FHIT: variants seen among roughly 807,000 people sequenced by gnomAD.
FHIT encodes bis(5'-adenosyl)-triphosphatase.
In FHIT, 19 loss-of-function variants were observed where a neutral mutation model predicts 17.9. The observed-to-expected ratio is 1.06, with a 90% CI of 0.74 to 1.56. The LOEUF (loss-of-function observed/expected upper bound fraction) is 1.56. Ranked by LOEUF, FHIT falls within the 40% of genes most tolerant of loss-of-function variation. The pLI is 0.00. For synonymous variants in FHIT, 81 were observed against 69.7 expected (o/e 1.16, Z -0.81); for missense variants, 248 against 189.2 (o/e 1.31, Z -1.82).
intron 5 of FHIT, among the ~76,000 whole-genome samples, chr3:60,360,240 T>G (rs2106993924): frequency 6.7e-6 from 1 of 150,114 alleles, no homozygotes; most frequent in South Asian, 2.1e-4. Context: ...GCAAGAAAAT[T>G]TTTTTTTTTG....
intron 5 of FHIT, among the ~76,000 whole-genome samples, chr3:60,364,096 T>C (rs180985564): frequency 4.7e-4 from 72 of 152,328 alleles, no homozygotes; most frequent in Middle Eastern, 6.8e-3. Flanking sequence ...CCATTGTAAA[T>C]ATACTCTTTA....
chr3:59,844,246 G>A (rs1701635266), intron 8 of FHIT, among the ~76,000 whole-genome samples: 1 of 152,110 alleles, frequency 6.6e-6, no homozygotes, highest in Non-Finnish European at 1.5e-5. Context: ...TCTGCAAACA[G>A]ATATAATTTA....
chr3:59,985,915 G>A (rs932357439), intron 7 of FHIT, among the ~76,000 whole-genome samples: 39 of 151,790 alleles, frequency 2.6e-4, no homozygotes, highest in Non-Finnish European at 1.5e-5. Flanking sequence ...ATAGAGCCTG[G>A]TCCCCTCAGT....
At chr3:60,930,972 C>T (rs188038606) in intron 3 of FHIT, among the ~76,000 whole-genome samples, 26 of 152,262 alleles carry the variant, frequency 1.7e-4, no homozygotes, top group Non-Finnish European at 2.9e-5. Context: ...CCCAAATGTC[C>T]AACAATGATA....
At chr3:60,419,793 A>G (rs1298775659) in intron 5 of FHIT, among the ~76,000 whole-genome samples, 1 of 152,208 alleles carries the variant, frequency 6.6e-6, no homozygotes, top group Non-Finnish European at 1.5e-5. Flanking sequence ...AATCTTTAAA[A>G]AGGTATCAAT....
chr3:60,267,088 TGAAGG>T (rs1186318438), intron 5 of FHIT, among the ~76,000 whole-genome samples: 1 of 151,758 alleles, frequency 6.6e-6, no homozygotes, highest in African/African-American at 2.4e-5. Flanking sequence ...GCAATAGAAG[TGAAGG>T]GAAGACTAGT....
chr3:60,133,565 T>G (rs1408874520), intron 5 of FHIT, among the ~76,000 whole-genome samples: 1 of 152,020 alleles, frequency 6.6e-6, no homozygotes, highest in Non-Finnish European at 1.5e-5. Context: ...GTGGTTCAAT[T>G]CTTTATCTCT....
chr3:60,599,623 C>A (rs2038378289), intron 4 of FHIT, among the ~76,000 whole-genome samples: 1 of 146,156 alleles, frequency 6.8e-6, no homozygotes, highest in Non-Finnish European at 1.5e-5. Context: ...CATGTTGGTA[C>A]AACAGTAAGA....
At chr3:60,586,462 A>T (rs2037910472) in intron 4 of FHIT, among the ~76,000 whole-genome samples, 1 of 152,106 alleles carries the variant, frequency 6.6e-6, no homozygotes, top group Admixed American at 6.6e-5. Flanking sequence ...AAACAGAACT[A>T]TCATTCAACC....
At chr3:61,228,363 A>G (rs2040020147) in intron 1 of FHIT, among the ~76,000 whole-genome samples, 1 of 152,176 alleles carries the variant, frequency 6.6e-6, no homozygotes, top group Non-Finnish European at 1.5e-5. Flanking sequence ...TTATTAAACT[A>G]GCTCTTATTT....
chr3:59,799,808 A>G (rs1317624210), intron 8 of FHIT, among the ~76,000 whole-genome samples: 1 of 152,206 alleles, frequency 6.6e-6, no homozygotes, highest in Non-Finnish European at 1.5e-5. Flanking sequence ...TTGATCTATA[A>G]TACATAACGG....
At chr3:60,460,772 T>C (rs896711218) in intron 5 of FHIT, among the ~76,000 whole-genome samples, 4 of 152,334 alleles carry the variant, frequency 2.6e-5, no homozygotes, top group South Asian at 2.1e-4. Flanking sequence ...TCTGATCCAA[T>C]AGTCACTCTA....
intron 4 of FHIT, among the ~76,000 whole-genome samples, chr3:60,569,755 A>ATATATATGTATTTT: frequency 1.3e-5 from 1 of 77,344 alleles, no homozygotes; most frequent in Non-Finnish European, 2.3e-5. Flanking sequence ...ATATATATAT[A>ATATATATGTATTTT]TTTTTTTTTT....
chr3:61,005,689 T>C (rs61030628), intron 3 of FHIT, among the ~76,000 whole-genome samples: 1 of 152,170 alleles, frequency 6.6e-6, no homozygotes, highest in Admixed American at 6.5e-5. Context: ...TGGGCCACTA[T>C]GAATTTCGGT....
At chr3:60,774,467 A>C (rs1263853350) in intron 4 of FHIT, among the ~76,000 whole-genome samples, 2 of 151,782 alleles carry the variant, frequency 1.3e-5, no homozygotes, top group African/African-American at 4.8e-5. Flanking sequence ...CGCCTGGCTA[A>C]TTTTTGTATT....
intron 4 of FHIT, among the ~76,000 whole-genome samples, chr3:60,645,280 G>A (rs116425882): frequency 0.018 from 2,762 of 152,176 alleles, 92 homozygotes; most frequent in African/African-American, 0.062. Context: ...TCGCAAGCAG[G>A]AGCATTCCTA....
At chr3:60,095,182 C>A in intron 5 of FHIT, among the ~76,000 whole-genome samples, 1 of 152,248 alleles carries the variant, frequency 6.6e-6, no homozygotes, top group Admixed American at 6.5e-5. Context: ...CCAAGAGGCA[C>A]AACGATGCAT....
intron 3 of FHIT, among the ~76,000 whole-genome samples, chr3:61,018,494 C>A (rs1292665616): frequency 6.6e-6 from 1 of 152,092 alleles, no homozygotes; most frequent in Non-Finnish European, 1.5e-5. Context: ...AAGTTTGACC[C>A]CAAAAGGGAT....
intron 5 of FHIT, among the ~76,000 whole-genome samples, chr3:60,463,579 A>G (rs2032602719): frequency 6.6e-6 from 1 of 152,184 alleles, no homozygotes. Context: ...AACGTCTAGG[A>G]AACCCATCAT....
Sources: gnomAD v4.1 joint callset for allele counts (sites outside exome capture counted in the v4.1 genomes callset) on GRCh38, gnomAD v4.1.1 for gene constraint, MANE v1.5 for transcripts, NCBI Gene and HGNC (gene_info 2026-07-23, HGNC 2026-07-21) for gene names.